Variants in ZNF182 observed in about 807,000 individuals in gnomAD.
The protein encoded by ZNF182 is zinc finger protein 182.
A neutral mutation model predicts 28.1 loss-of-function variants in ZNF182; 10 were observed. That is an observed-to-expected ratio of 0.36 (90% CI 0.22 to 0.60). ZNF182 has a LOEUF of 0.60. ZNF182 is among the 20% of genes least tolerant of loss of function. The pLI is 0.75. For synonymous variants in ZNF182, 156 were observed against 158.7 expected, an observed-to-expected ratio of 0.98 and a Z score of 0.13; for missense variants, 352 against 453.2, an observed-to-expected ratio of 0.78 and a Z score of 2.03.
At chrX:47,998,915 T>C (rs1206562029) in intron 3 of ZNF182, among the ~76,000 whole-genome samples, 1 of 108,829 alleles carries the variant, frequency 9.2e-6, no homozygotes, top group Non-Finnish European at 1.9e-5. Flanking sequence ...TGGGTATACA[T>C]CCAAAGGATC....
intron 3 of ZNF182, among the ~76,000 whole-genome samples, chrX:47,991,352 C>G (rs781938989): frequency 8.9e-6 from 1 of 112,011 alleles, no homozygotes; most frequent in East Asian, 2.8e-4. Flanking sequence ...GCCTCCACAG[C>G]TGTGAGAACA....
intron 3 of ZNF182, among the ~76,000 whole-genome samples, chrX:47,985,663 T>G (rs2058921024): frequency 9.0e-6 from 1 of 111,313 alleles, no homozygotes; most frequent in Non-Finnish European, 1.9e-5. Flanking sequence ...AACCTGAGTG[T>G]ATACCGAGAA....
At chrX:47,997,598 G>C (rs948695826) in intron 3 of ZNF182, among the ~76,000 whole-genome samples, 1 of 110,737 alleles carries the variant, frequency 9.0e-6, no homozygotes, top group Non-Finnish European at 1.9e-5. Flanking sequence ...TTCAAGACCA[G>C]CCTGGCCAAC....
chrX:48,002,490 C>G, intron 3 of ZNF182, 105 bp downstream of exon 3: 1 of 1,106,716 alleles, frequency 9.0e-7, no homozygotes, highest in East Asian at 3.1e-5. Flanking sequence ...TTGCCTGATC[C>G]AATCCTTATT....
At chrX:47,990,521 A>G (rs2058938077) in intron 3 of ZNF182, among the ~76,000 whole-genome samples, 1 of 112,141 alleles carries the variant, frequency 8.9e-6, no homozygotes, top group African/African-American at 3.2e-5. Flanking sequence ...ATACATACAG[A>G]AATAAAGTAA....
intron 2 of ZNF182, 33 bp from the exon 3 acceptor site, chrX:48,002,686 G>A (rs1556902057): frequency 8.7e-7 from 1 of 1,153,317 alleles, no homozygotes; most frequent in Non-Finnish European, 1.2e-6. Flanking sequence ...CAGCAGATGA[G>A]GAGACCCCAT....
Position 48,003,982 on chromosome X carries a change from G to C in ZNF182, c.-313C>G, listed in dbSNP as rs2058989000. The C allele has an allele frequency of 8.9e-6, 1 of 112,491 alleles. No individual in the cohort carries two copies. The highest frequency in any genetic ancestry group is 9.3e-5 in the Admixed American group (1 of 10,696). The allele number at this position is 112,491 out of a possible 1,213,427, so 9.3% of individuals were successfully genotyped here. On this transcript the variant is annotated 5_prime_UTR_variant, in exon 1 of 6. Coordinates refer to ENST00000376943, the MANE Select transcript of ZNF182 (RefSeq NM_001007088.2). Reference sequence around the variant, plus strand: ...AAGCCTGGCCCCAACAAGCACTTCCGCTTCGGGACCGACTCTTTGGCACCG... The same window carrying C: ...AAGCCTGGCCCCAACAAGCACTTCCCCTTCGGGACCGACTCTTTGGCACCG...
Position 47,977,617 on chromosome X carries a change from G to T in ZNF182, c.413C>A (p.Pro138His). 5.0e-6 allele frequency: 6 copies of T among 1,209,432 alleles called. No individual in the cohort carries two copies. The highest frequency in any genetic ancestry group is 6.7e-6 in the Non-Finnish European group (6 of 894,227). The change falls in exon 6 of 6, where the codon CCC becomes CAC. Residue 138 changes from proline to histidine, a missense_variant. By Grantham distance (77) the Pro-to-His change is moderately conservative. Coordinates refer to ENST00000376943, the MANE Select transcript of ZNF182 (RefSeq NM_001007088.2). ...STNLVASIQR[P>H]DKHESFGNNM... ...ATTTCCAAATGATTCGTGTTTATCG[G>T]GTCTTTGTATTGAAGCAACAAGGTT...
intron 3 of ZNF182, among the ~76,000 whole-genome samples, chrX:47,985,919 A>G (rs1384205927): frequency 8.9e-6 from 1 of 111,942 alleles, no homozygotes; most frequent in East Asian, 2.8e-4. Flanking sequence ...GGCTACAAAG[A>G]GAGTTATAGT....
In ZNF182 at chrX:47,996,458, AAACAAAGGAAT is replaced by A. The variant is rs1170263938; in HGVS notation, c.15+6126_15+6136del. 2.7e-5 allele frequency among the ~76,000 whole-genome samples: 3 copies of A among 112,296 alleles called. No homozygotes were observed. In the East Asian group the frequency reaches 8.4e-4, roughly 31 times the overall value. On this transcript the variant is annotated intron_variant, in intron 3 of 5. Coordinates refer to ENST00000376943, the MANE Select transcript of ZNF182 (RefSeq NM_001007088.2). ...AACCCAAAAGAAGGCAGAAAATGAG[AAACAAAGGAAT>A]AAAAAGGGAGAAAAACCAGAAAACA...
intron 3 of ZNF182, among the ~76,000 whole-genome samples, chrX:47,992,504 C>T (rs782410395): frequency 9.0e-6 from 1 of 110,864 alleles, no homozygotes; most frequent in South Asian, 3.8e-4. Context: ...CTTCCAGTCA[C>T]AGCGTGACTC....
At chrX:47,985,225 A>G (rs1424581515) in intron 3 of ZNF182, among the ~76,000 whole-genome samples, 2 of 112,326 alleles carry the variant, frequency 1.8e-5, no homozygotes, top group East Asian at 5.5e-4. Flanking sequence ...GGAATCCTCC[A>G]TACAATGTAA....
chrX:47,988,620 G>C, intron 3 of ZNF182: 1 of 394,537 alleles, frequency 2.5e-6, no homozygotes, highest in Non-Finnish European at 4.5e-6. Context: ...TTGCAGGACT[G>C]TGAGCCAAAT....
chrX:47,992,088 C>T (rs903022195), intron 3 of ZNF182, among the ~76,000 whole-genome samples: 2 of 111,422 alleles, frequency 1.8e-5, no homozygotes, highest in Non-Finnish European at 3.8e-5. Flanking sequence ...AGCACCCAGC[C>T]AGGAAATGTT....
chrX:47,998,741 C>T (rs1036680228), intron 3 of ZNF182, among the ~76,000 whole-genome samples: 2 of 110,314 alleles, frequency 1.8e-5, no homozygotes, highest in African/African-American at 3.3e-5. Flanking sequence ...CGCCTGTAAT[C>T]CCAATTACTC....
chrX:47,986,005 T>C (rs1229476716), intron 3 of ZNF182, among the ~76,000 whole-genome samples: 1 of 111,953 alleles, frequency 8.9e-6, no homozygotes, highest in Non-Finnish European at 1.9e-5. Flanking sequence ...AAGAAGAGTA[T>C]GTGTGGAATA....
intron 3 of ZNF182, chrX:47,988,473 T>C (rs1486788066): frequency 1.1e-5 from 5 of 448,165 alleles, no homozygotes; most frequent in Non-Finnish European, 2.0e-5. Context: ...TGTTAAAGAG[T>C]CTGGTGCCTC....
At chrX:47,982,824 T>C (rs782687508) in intron 5 of ZNF182, 125 bp downstream of exon 5, 80 of 599,146 alleles carry the variant, frequency 1.3e-4, no homozygotes, top group Non-Finnish European at 1.9e-4. Context: ...GTCCCTGTCC[T>C]CCAACAGTGC....
chrX:47,978,077 T>C (rs1303955377), intron 5 of ZNF182, among the ~76,000 whole-genome samples: 4 of 111,237 alleles, frequency 3.6e-5, no homozygotes, highest in Non-Finnish European at 7.5e-5. Flanking sequence ...ATATAAACTT[T>C]TTTTTTAAGA....
Sources: gnomAD v4.1 joint callset for allele counts (sites outside exome capture counted in the v4.1 genomes callset) on GRCh38, gnomAD v4.1.1 for gene constraint, MANE v1.5 for transcripts, NCBI Gene and HGNC (gene_info 2026-07-23, HGNC 2026-07-21) for gene names.